RNF216: variants seen among roughly 807,000 people sequenced by gnomAD.
The protein encoded by RNF216 is ring finger protein 216.
RNF216 carries 72 observed loss-of-function variants against 110.8 expected under a neutral mutation model. The ratio of observed to expected loss-of-function variants is 0.65; its 90% CI spans 0.54 to 0.79. The LOEUF is 0.79. Ranked by LOEUF, RNF216 falls within the 30% of genes least tolerant of loss-of-function variation. The pLI is 0.00. For synonymous variants in RNF216, 495 were observed against 407.5 expected, an observed-to-expected ratio of 1.21 and a Z score of -2.59; for missense variants, 1,342 against 1,141.2, an observed-to-expected ratio of 1.18 and a Z score of -2.54.
intron 1 of RNF216, among the ~76,000 whole-genome samples, chr7:5,781,306 G>A (rs1797077173): frequency 1.3e-5 from 2 of 152,106 alleles, no homozygotes; most frequent in South Asian, 4.1e-4. Flanking sequence ...GGGCCACCCG[G>A]CCGCTCAGCG....
intron 14 of RNF216, among the ~76,000 whole-genome samples, chr7:5,649,415 G>A (rs1018827507): frequency 1.3e-5 from 2 of 151,914 alleles, no homozygotes; most frequent in African/African-American, 4.8e-5. Context: ...AAGAAAGGGA[G>A]GGAGGATCAC....
chr7:5,770,461 CAAA>C (rs879338590), intron 1 of RNF216, among the ~76,000 whole-genome samples: 2 of 101,058 alleles, frequency 2.0e-5, no homozygotes. Flanking sequence ...AACTCCGTCT[CAAA>C]AAAAAAAAAA....
chr7:5,730,921 C>CAA (rs1348576403), intron 5 of RNF216, 104 bp from the exon 6 acceptor site: 2 of 1,475,612 alleles, frequency 1.4e-6, no homozygotes, highest in African/African-American at 2.9e-5. Flanking sequence ...TCACACATTA[C>CAA]AACTGGCCTA....
chr7:5,691,513 T>G (rs188933294), intron 13 of RNF216, among the ~76,000 whole-genome samples: 3 of 152,154 alleles, frequency 2.0e-5, no homozygotes, highest in Non-Finnish European at 4.4e-5. Context: ...GCAGTGCTGG[T>G]GTGTGTAGAA....
intron 7 of RNF216, among the ~76,000 whole-genome samples, chr7:5,726,529 T>A (rs966837176): frequency 6.6e-6 from 1 of 152,140 alleles, no homozygotes; most frequent in African/African-American, 2.4e-5. Context: ...ACCTTCAGCT[T>A]CTCTCTGTTA....
rs747810521 is a variant in RNF216, at chr7:5,680,806, C to T, written c.2062-28296G>A. On this transcript the variant is annotated intron_variant, in intron 13 of 16. Transcript: ENST00000389902. This position sits in a 1 kb window ranked among gnomAD's most constrained non-coding sequence, Gnocchi z 4.3. ...CCTGTATCCCTGAAGGACACAGCCA[C>T]CCACTGGCTGCTCATGCAACAAAAC... Among the ~76,000 whole-genome samples, 30 of 152,294 alleles carry T rather than the reference C, an allele frequency of 2.0e-4. No homozygotes were observed. Among genetic ancestry groups the T allele is most frequent in the Admixed American group, 3.9e-4 (6 of 15,298 alleles).
intron 13 of RNF216, among the ~76,000 whole-genome samples, chr7:5,659,851 C>G (rs1028183810): frequency 6.6e-6 from 1 of 152,134 alleles, no homozygotes; most frequent in Admixed American, 6.6e-5. Context: ...AGCAGCACAC[C>G]TGTACTTTTT....
rs150439339 is a variant in RNF216 at position 5,626,333 on chromosome 7, T to C, written c.2383-2208A>G. ...GAAGGCCTCCATGTGAATATCAAGG[T>C]AGATGCTATCAACTCTCTAGACTGG... On this transcript the variant is annotated intron_variant, in intron 15 of 16. Transcript: ENST00000389902. Among the ~76,000 whole-genome samples, 72 of 151,240 alleles carry C rather than the reference T, an allele frequency of 4.8e-4. No individual in the cohort carries two copies. The East Asian group carries it at 0.011, about 23-fold the overall frequency.
intron 13 of RNF216, among the ~76,000 whole-genome samples, chr7:5,664,164 C>G (rs1028830039): frequency 2.0e-5 from 3 of 152,156 alleles, no homozygotes; most frequent in Non-Finnish European, 4.4e-5. Context: ...TTTTTTTGTA[C>G]TTTCCATGGG....
intron 1 of RNF216, among the ~76,000 whole-genome samples, chr7:5,779,522 C>A (rs941995273): frequency 1.3e-5 from 2 of 152,008 alleles, no homozygotes; most frequent in Non-Finnish European, 2.9e-5. Flanking sequence ...AGAATCTTCC[C>A]GCTTCTCTCC....
At chr7:5,730,567 T>C (rs2128643906) in intron 6 of RNF216, 148 bp downstream of exon 6, 1 of 891,410 alleles carries the variant, frequency 1.1e-6, no homozygotes, top group South Asian at 1.8e-5. Flanking sequence ...GAAGTATAGA[T>C]ATATTCTGAA....
chr7:5,637,504 ACT>A lies in RNF216; in HGVS notation c.2382+3648_2382+3649del, dbSNP rs538897588. The stretch of plus-strand genomic sequence containing the variant: ...AGAGAACACCTGGTTACCACAGAGG[ACT>A]CACATCTTTTCAAAACCATGAGTAG... On this transcript the variant is annotated intron_variant, in intron 15 of 16. Coordinates refer to ENST00000389902, the MANE Select transcript of RNF216 (RefSeq NM_207111.4). 2.4e-4 allele frequency among the ~76,000 whole-genome samples: 36 copies of A among 152,166 alleles called. No homozygotes were observed. In the South Asian group the frequency reaches 7.3e-3, roughly 31 times the overall value.
chr7:5,776,911 AAAAAAAG>A (rs1357198957), intron 1 of RNF216, among the ~76,000 whole-genome samples: 2 of 149,128 alleles, frequency 1.3e-5, no homozygotes, highest in East Asian at 4.0e-4. Flanking sequence ...AAAAAAAAAA[AAAAAAAG>A]AGAGAGAGAA....
chr7:5,656,587 G>A (rs527536208), intron 13 of RNF216, among the ~76,000 whole-genome samples: 1 of 152,260 alleles, frequency 6.6e-6, no homozygotes, highest in East Asian at 1.9e-4. Context: ...TGCATGCTGG[G>A]TAGTTTGTTA....
chr7:5,711,856 A>G lies in RNF216; in HGVS notation c.1983-17T>C, dbSNP rs762486566. ...GACGGGCACCTAGAGTCAGAACAGC[A>G]GAACTGACATTACTTCAAACATTAA... On this transcript the variant is annotated splice_polypyrimidine_tract_variant and intron_variant, in intron 12 of 16. Coordinates refer to ENST00000389902, the MANE Select transcript of RNF216 (RefSeq NM_207111.4). The G allele has an allele frequency of 6.2e-7, 1 of 1,607,052 alleles. No individual in the cohort carries two copies.
intron 13 of RNF216, among the ~76,000 whole-genome samples, chr7:5,678,222 T>C (rs548262909): frequency 1.3e-5 from 2 of 152,304 alleles, no homozygotes; most frequent in South Asian, 4.1e-4. Context: ...CTGTAACTTT[T>C]AGCTCCTCAC....
intron 13 of RNF216, among the ~76,000 whole-genome samples, chr7:5,657,618 CTT>C: frequency 6.6e-6 from 1 of 152,104 alleles, no homozygotes; most frequent in South Asian, 2.1e-4. Flanking sequence ...CTCCAGCACT[CTT>C]GAGGTAAAAG....
chr7:5,717,987 C>G (rs1424189710), intron 9 of RNF216, among the ~76,000 whole-genome samples: 2 of 151,966 alleles, frequency 1.3e-5, no homozygotes, highest in Admixed American at 6.6e-5. Flanking sequence ...CTGCTACTAT[C>G]TGGATAAGAA....
chr7:5,776,420 T>TAA lies in RNF216; in HGVS notation c.-70+5119_-70+5120dup, dbSNP rs76385326. Among the ~76,000 whole-genome samples the TAA allele has an allele frequency of 6.2e-3, 835 of 134,868 alleles. 9 individuals are homozygous for TAA. Among genetic ancestry groups the TAA allele is most frequent in the African/African-American group, 0.022 (813 of 37,350 alleles). 88.5% of individuals were successfully genotyped at this position (134,868 alleles called of 152,430 possible). On this transcript the variant is annotated intron_variant, in intron 1 of 16. Transcript: ENST00000389902. ...AACACGGTGAAACCCCGTCTCTACTTAAAAAAAAAAAAAAGCACAAAAAAA... is the reference window on the plus strand; with the variant it reads ...AACACGGTGAAACCCCGTCTCTACTTAAAAAAAAAAAAAAAAGCACAAAAAAA...
Sources: gnomAD v4.1 joint callset for allele counts (sites outside exome capture counted in the v4.1 genomes callset) on GRCh38, gnomAD v4.1.1 for gene constraint, Gnocchi (gnomAD v3.1) non-coding constraint, MANE v1.5 for transcripts, NCBI Gene and HGNC (gene_info 2026-07-23, HGNC 2026-07-21) for gene names.